The following NAPG variants were observed in gnomAD, a reference collection of about 807,000 sequenced individuals.
The protein encoded by NAPG is gamma-soluble NSF attachment protein.
In NAPG, 25 loss-of-function variants were observed where a neutral mutation model predicts 48.4. The ratio of observed to expected loss-of-function variants is 0.52; its 90% CI spans 0.38 to 0.72. The LOEUF is 0.72. Among genes scored for constraint, NAPG ranks in the 30% least tolerant of loss-of-function variants. The pLI is 0.00. For missense variants in NAPG, 359 were observed against 372.5 expected, an observed-to-expected ratio of 0.96 and a Z score of 0.30; for synonymous variants, 139 against 127.2, an observed-to-expected ratio of 1.09 and a Z score of -0.62.
chr18:10,548,740 T>G lies in NAPG; in HGVS notation c.666-227T>G, dbSNP rs2032321245. On this transcript the variant is annotated intron_variant, in intron 10 of 11. Coordinates refer to ENST00000322897, the MANE Select transcript of NAPG (RefSeq NM_003826.3). The surrounding 1 kb of genome is among the most constrained non-coding windows in gnomAD (Gnocchi z 4.4). ...ACATGAGCAGTCTTAATCTCAACAC[T>G]GTTAACATTTGGGCTGGATAATTCT... 6.6e-6 allele frequency among the ~76,000 whole-genome samples: 1 copy of G among 152,128 alleles called. No individual in the cohort carries two copies. The highest frequency in any genetic ancestry group is 2.4e-5 in the African/African-American group (1 of 41,440).
rs538664915 is a variant in NAPG, at chr18:10,539,768, C to G, written c.265C>G (p.Gln89Glu). The change falls in exon 6 of 12, where the codon CAG becomes GAG. Residue 89 changes from glutamine (Q) to glutamate (E), a missense_variant. Coordinates refer to ENST00000322897, the MANE Select transcript of NAPG (RefSeq NM_003826.3). The surrounding 1 kb of genome is among the most constrained non-coding windows in gnomAD (Gnocchi z 4.7). ...EQAGMMLKEM[Q>E]KLPEAVQLIE... Reference sequence around the variant, plus strand: ...CTGTATCCTTTGCCCAAAGGAGATGCAGAAACTACCAGAGGCCGTTCAGCT... The same window carrying G: ...CTGTATCCTTTGCCCAAAGGAGATGGAGAAACTACCAGAGGCCGTTCAGCT... The G allele has an allele frequency of 6.8e-6, 11 of 1,613,880 alleles. 1 individual carries two copies. The African/African-American group carries it at 1.2e-4, about 18-fold the overall frequency.
intron 2 of NAPG, among the ~76,000 whole-genome samples, chr18:10,532,377 C>T (rs2031945452): frequency 6.6e-6 from 1 of 152,090 alleles, no homozygotes; most frequent in Admixed American, 6.5e-5. Context: ...AAGGTGCTGT[C>T]TTTTGTGACT....
chr18:10,541,393 C>T (rs1302545685), intron 8 of NAPG, among the ~76,000 whole-genome samples: 3 of 152,162 alleles, frequency 2.0e-5, no homozygotes, highest in Admixed American at 6.5e-5. Flanking sequence ...ATTACTTACT[C>T]GTCGCTTCCC....
chr18:10,548,143 C>T lies in NAPG; in HGVS notation c.586-156C>T, dbSNP rs895840436. On this transcript the variant is annotated intron_variant, in intron 9 of 11. Transcript: ENST00000322897. This position sits in a 1 kb window ranked among gnomAD's most constrained non-coding sequence, Gnocchi z 4.4. ...AAAGTACTGTTCTAGGATATTTCCCCTCAGGTGTCCCGTGGAAGTTACTAT... is the reference window on the plus strand; with the variant it reads ...AAAGTACTGTTCTAGGATATTTCCCTTCAGGTGTCCCGTGGAAGTTACTAT... Among the ~76,000 whole-genome samples, 1 of 152,148 alleles carries T rather than the reference C, an allele frequency of 6.6e-6. No homozygotes were observed. The highest frequency in any genetic ancestry group is 2.4e-5 in the African/African-American group (1 of 41,424).
chr18:10,545,318 A>C (rs2032240201), intron 8 of NAPG, among the ~76,000 whole-genome samples: 1 of 152,238 alleles, frequency 6.6e-6, no homozygotes, highest in Admixed American at 6.5e-5. Context: ...TCTCAAAAAA[A>C]AATAAAAAGA....
chr18:10,548,406 T>A lies in NAPG; in HGVS notation c.665+28T>A, dbSNP rs116893607. On this transcript the variant is annotated intron_variant, in intron 10 of 11. Coordinates refer to ENST00000322897, the MANE Select transcript of NAPG (RefSeq NM_003826.3). The surrounding 1 kb of genome is among the most constrained non-coding windows in gnomAD (Gnocchi z 4.4). ...AAGACGTTGTCTGGGCCCTCTTGAC[T>A]TGCAGTGGCGACACCTCTGTGTCTA... is the stretch of plus-strand genomic sequence containing the variant. 1 of 1,570,270 alleles carries A rather than the reference T, an allele frequency of 6.4e-7. No individual in the cohort carries two copies. Among genetic ancestry groups the A allele is most frequent in the Non-Finnish European group, 8.8e-7 (1 of 1,140,600 alleles).
At chr18:10,528,071 A>G (rs1165646711) in intron 1 of NAPG, among the ~76,000 whole-genome samples, 1 of 152,172 alleles carries the variant, frequency 6.6e-6, no homozygotes, top group Non-Finnish European at 1.5e-5. Flanking sequence ...CTGTAATCCC[A>G]ATTGCTCAGG....
intron 1 of NAPG, among the ~76,000 whole-genome samples, chr18:10,530,276 T>C (rs1158804373): frequency 6.8e-6 from 1 of 146,540 alleles, no homozygotes; most frequent in African/African-American, 2.5e-5. Flanking sequence ...CTGTTCTCTC[T>C]CTGCAGTCTC....
intron 8 of NAPG, among the ~76,000 whole-genome samples, chr18:10,545,934 C>T (rs1371772126): frequency 6.6e-6 from 1 of 152,038 alleles, no homozygotes; most frequent in Non-Finnish European, 1.5e-5. Flanking sequence ...GGGAAGGCAC[C>T]GAGTGCCTTG....
At chr18:10,527,060 C>T (rs1293094884) in intron 1 of NAPG, among the ~76,000 whole-genome samples, 10 of 151,808 alleles carry the variant, frequency 6.6e-5, no homozygotes, top group Non-Finnish European at 2.9e-5. Context: ...TGGTGGCGGG[C>T]GCCTGTAGTC....
At chr18:10,530,349 C>G (rs1381106460) in intron 1 of NAPG, among the ~76,000 whole-genome samples, 3 of 152,082 alleles carry the variant, frequency 2.0e-5, no homozygotes, top group African/African-American at 7.2e-5. Flanking sequence ...ATTTATGTCT[C>G]TAGACTCTTG....
At position 10,552,636 on chromosome 18, in the gene NAPG, T is replaced by C. The variant is rs1379499797; in HGVS notation, c.*2416T>C. 3.3e-5 allele frequency: 5 copies of C among 152,232 alleles called. No homozygotes were observed. The highest frequency in any genetic ancestry group is 7.3e-5 in the Non-Finnish European group (5 of 68,042). 9.4% of individuals were successfully genotyped at this position (152,232 alleles called of 1,614,324 possible). A position where few individuals can be genotyped will look rare whatever the true frequency, so the allele number is the denominator to read the frequency against. On this transcript the variant is annotated 3_prime_UTR_variant, in exon 12 of 12. Transcript: ENST00000322897. ...ACATATGCAGAGTACGGTATTTCTG[T>C]ATGGAATCTGCTTTATTCCTATTTT...
intron 2 of NAPG, among the ~76,000 whole-genome samples, chr18:10,531,191 G>A (rs770143626): frequency 3.9e-5 from 6 of 152,216 alleles, no homozygotes; most frequent in Middle Eastern, 6.8e-3. Flanking sequence ...TGAATTAGGA[G>A]TTTGTTAAAT....
chr18:10,548,961 C>G lies in NAPG; in HGVS notation c.666-6C>G, dbSNP rs1355829496. ...GGTGAAGACGTGTGATTTGTGCTTA[C>G]TGCAGCATCCCTGGGTTCAATGGCA... On this transcript the variant is annotated splice_polypyrimidine_tract_variant and splice_region_variant and intron_variant, in intron 10 of 11. Coordinates refer to ENST00000322897, the MANE Select transcript of NAPG (RefSeq NM_003826.3). This position sits in a 1 kb window ranked among gnomAD's most constrained non-coding sequence, Gnocchi z 4.4. 6.2e-7 allele frequency: 1 copy of G among 1,612,722 alleles called. No individual in the cohort carries two copies. Among genetic ancestry groups the G allele is most frequent in the African/African-American group, 1.3e-5 (1 of 74,880 alleles).
rs1312882264 is a variant in NAPG, at chr18:10,539,931, C to G, written c.369-57C>G. 10 of 1,604,338 alleles carry G rather than the reference C, an allele frequency of 6.2e-6. No homozygotes were observed. Among genetic ancestry groups the G allele is most frequent in the Non-Finnish European group, 8.5e-6 (10 of 1,172,912 alleles). ...TCTTGTCTTTTTGTTTTAAAGAGGT[C>G]CCTGAAAAACAAGTTTTCCATTTCT... On this transcript the variant is annotated intron_variant, in intron 6 of 11. Transcript: ENST00000322897. The surrounding 1 kb of genome is among the most constrained non-coding windows in gnomAD (Gnocchi z 4.7).
chr18:10,537,008 T>C (rs564582633), intron 5 of NAPG, among the ~76,000 whole-genome samples: 1 of 151,616 alleles, frequency 6.6e-6, no homozygotes, highest in South Asian at 2.1e-4. Flanking sequence ...CCAGGCTGGA[T>C]TGCAGTGGCA....
chr18:10,552,341 G>C lies in NAPG; in HGVS notation c.*2121G>C, dbSNP rs895731602. 1 of 152,332 alleles carries C rather than the reference G, an allele frequency of 6.6e-6. No individual in the cohort carries two copies. The highest frequency in any genetic ancestry group is 1.9e-4 in the East Asian group (1 of 5,186). The allele number at this position is 152,332 out of a possible 1,614,324, so 9.4% of individuals were successfully genotyped here. A position where few individuals can be genotyped will look rare whatever the true frequency, so the allele number is the denominator to read the frequency against. The stretch of plus-strand genomic sequence containing the variant: ...TAACCAGGACTTGGGGATATTGTTT[G>C]TTGTCAGGGTTATTCTGTGTGGTAA... On this transcript the variant is annotated 3_prime_UTR_variant, in exon 12 of 12. Transcript: ENST00000322897.
intron 2 of NAPG, among the ~76,000 whole-genome samples, chr18:10,531,342 T>C (rs145374666): frequency 4.5e-4 from 69 of 152,346 alleles, no homozygotes; most frequent in Middle Eastern, 3.4e-3. Flanking sequence ...TTTAATCAAT[T>C]TATCTTTATA....
chr18:10,534,264 T>A lies in NAPG; in HGVS notation c.228-202T>A, dbSNP rs1811398352. On this transcript the variant is annotated intron_variant, in intron 4 of 11. Transcript: ENST00000322897. The surrounding 1 kb of genome is among the most constrained non-coding windows in gnomAD (Gnocchi z 5.0). ...CAAAATAAAATCTCTTTAACTCAAA[T>A]GTCTGATGTTCTAAGCCATTATTCC... 1.3e-5 allele frequency among the ~76,000 whole-genome samples: 2 copies of A among 152,204 alleles called. No individual in the cohort carries two copies. The highest frequency in any genetic ancestry group is 1.3e-4 in the Admixed American group (2 of 15,286).
Sources: gnomAD v4.1 joint callset for allele counts (sites outside exome capture counted in the v4.1 genomes callset) on GRCh38, gnomAD v4.1.1 for gene constraint, Gnocchi (gnomAD v3.1) non-coding constraint, MANE v1.5 for transcripts, NCBI Gene and HGNC (gene_info 2026-07-23, HGNC 2026-07-21) for gene names.